Variants in SYT1 observed in about 807,000 individuals in gnomAD.
SYT1 encodes synaptotagmin-1.
A neutral mutation model predicts 44.8 loss-of-function variants in SYT1; 8 were observed. The observed-to-expected ratio is 0.18, with a 90% CI of 0.10 to 0.32. SYT1 has a LOEUF of 0.32. SYT1 is among the 10% of genes least tolerant of loss of function. The probability of loss-of-function intolerance (pLI) is 1.00; values close to 1 mark genes in which losing one functional copy is unlikely to be tolerated. For synonymous variants in SYT1, 154 were observed against 188.8 expected, an observed-to-expected ratio of 0.82 and a Z score of 1.51; for missense variants, 286 against 509.3, an observed-to-expected ratio of 0.56 and a Z score of 4.22.
Position 79,174,765 on chromosome 12 carries a change from T to C in SYT1, c.-17-42738T>C, listed in dbSNP as rs183189390. ...CAAGTCACTTTGGGATGTTAAAAAA[T>C]TATATTCCTTCAACACTTTATAATT... On this transcript the variant is annotated intron_variant, in intron 3 of 10. Transcript: ENST00000261205. 2.1e-3 allele frequency among the ~76,000 whole-genome samples: 317 copies of C among 152,082 alleles called. 1 individual carries two copies. The highest frequency in any genetic ancestry group is 3.2e-3 in the Non-Finnish European group (220 of 67,956).
chr12:79,138,398 A>G (rs550039147), intron 3 of SYT1, among the ~76,000 whole-genome samples: 5 of 152,334 alleles, frequency 3.3e-5, no homozygotes, highest in African/African-American at 1.2e-4. Context: ...TAGTAATGCA[A>G]TATTAAATGA....
At chr12:79,064,541 C>G (rs1875618886) in intron 3 of SYT1, among the ~76,000 whole-genome samples, 1 of 151,934 alleles carries the variant, frequency 6.6e-6, no homozygotes, top group Non-Finnish European at 1.5e-5. Context: ...GAAGATAAAA[C>G]TTTTGCTTAC....
intron 4 of SYT1, among the ~76,000 whole-genome samples, chr12:79,277,456 A>T (rs1668268848): frequency 6.6e-6 from 1 of 152,188 alleles, no homozygotes; most frequent in Non-Finnish European, 1.5e-5. Flanking sequence ...TCATTCCCAG[A>T]CAAACAAATG....
chr12:79,281,258 C>T (rs10778570), intron 4 of SYT1, among the ~76,000 whole-genome samples: 52,384 of 151,876 alleles, frequency 0.34, 9,416 homozygotes, highest in East Asian at 0.59. Context: ...CCTAAGTGCT[C>T]ATCAATGGAT....
intron 1 of SYT1, among the ~76,000 whole-genome samples, chr12:78,873,151 T>C (rs1041784386): frequency 1.3e-5 from 2 of 151,674 alleles, no homozygotes; most frequent in East Asian, 3.9e-4. Flanking sequence ...AAAGATGCAA[T>C]GAAGGAGACT....
intron 3 of SYT1, among the ~76,000 whole-genome samples, chr12:79,190,983 C>G (rs1158932696): frequency 6.6e-6 from 1 of 151,950 alleles, no homozygotes; most frequent in African/African-American, 2.4e-5. Flanking sequence ...CTACCTCTCA[C>G]TTACCAATGA....
At chr12:79,280,379 C>T (rs192811439) in intron 4 of SYT1, among the ~76,000 whole-genome samples, 127 of 152,020 alleles carry the variant, frequency 8.4e-4, no homozygotes, top group African/African-American at 2.8e-3. Flanking sequence ...TCAACAAAGC[C>T]GATGAGAACA....
chr12:79,112,874 G>A (rs1879088976), intron 3 of SYT1, among the ~76,000 whole-genome samples: 1 of 152,010 alleles, frequency 6.6e-6, no homozygotes, highest in Non-Finnish European at 1.5e-5. Flanking sequence ...AGAACACAAG[G>A]CATATGGCAA....
At chr12:79,094,003 C>T (rs1877952561) in intron 3 of SYT1, among the ~76,000 whole-genome samples, 1 of 151,570 alleles carries the variant, frequency 6.6e-6, no homozygotes, top group East Asian at 1.9e-4. Context: ...GACATATTTA[C>T]CAGCCAAACC....
At chr12:79,429,248 C>T (rs990204889) in intron 9 of SYT1, among the ~76,000 whole-genome samples, 1 of 152,072 alleles carries the variant, frequency 6.6e-6, no homozygotes, top group African/African-American at 2.4e-5. Context: ...GCTCTGTTGC[C>T]CAGGCTGGAG....
At chr12:79,200,081 G>T (rs985220836) in intron 3 of SYT1, among the ~76,000 whole-genome samples, 1 of 152,018 alleles carries the variant, frequency 6.6e-6, no homozygotes, top group African/African-American at 2.4e-5. Flanking sequence ...CCTACCAAAA[G>T]CTACTGAAAT....
chr12:79,448,897 T>C (rs371778073), intron 10 of SYT1, 21 bp from the exon 11 acceptor site: 1 of 1,612,656 alleles, frequency 6.2e-7, no homozygotes, highest in Admixed American at 1.7e-5. Flanking sequence ...TGATTCATAT[T>C]CATTTCATGG....
At chr12:79,395,797 A>AAAT (rs34984397) in intron 9 of SYT1, among the ~76,000 whole-genome samples, 22,462 of 151,888 alleles carry the variant, frequency 0.15, 1,996 homozygotes, top group Middle Eastern at 0.34. Context: ...AAGAATATAG[A>AAAT]AATATCAAAG....
intron 3 of SYT1, among the ~76,000 whole-genome samples, chr12:79,136,882 G>T (rs917790877): frequency 6.6e-6 from 1 of 151,974 alleles, no homozygotes; most frequent in Non-Finnish European, 1.5e-5. Context: ...TCCCAGTTTA[G>T]TTCTGCAAGT....
intron 3 of SYT1, among the ~76,000 whole-genome samples, chr12:79,136,784 A>G (rs368755635): frequency 6.6e-6 from 1 of 152,224 alleles, no homozygotes; most frequent in East Asian, 1.9e-4. Context: ...ATTTAGAAAA[A>G]AATCATTTCT....
chr12:79,354,329 A>C (rs17293059), intron 9 of SYT1, among the ~76,000 whole-genome samples: 13,156 of 152,288 alleles, frequency 0.086, 564 homozygotes, highest in Non-Finnish European at 0.1. Flanking sequence ...TTTCCGCTAA[A>C]TCATTAAAGT....
chr12:79,138,288 T>A (rs1869326697), intron 3 of SYT1, among the ~76,000 whole-genome samples: 1 of 152,028 alleles, frequency 6.6e-6, no homozygotes, highest in Non-Finnish European at 1.5e-5. Flanking sequence ...ACCAATGAAA[T>A]CATGTATGAT....
At chr12:79,338,255 TTTTTTTC>T (rs1170899059) in intron 8 of SYT1, among the ~76,000 whole-genome samples, 4 of 151,756 alleles carry the variant, frequency 2.6e-5, no homozygotes, top group Non-Finnish European at 4.4e-5. Context: ...TCAACTAATT[TTTTTTTC>T]TTTTTTCTTT....
chr12:79,055,182 C>G (rs74110121), intron 3 of SYT1, among the ~76,000 whole-genome samples: 3 of 151,960 alleles, frequency 2.0e-5, no homozygotes, highest in African/African-American at 7.2e-5. Context: ...ATATAAGTGT[C>G]TTGTTGATTG....
Sources: gnomAD v4.1 joint callset for allele counts (sites outside exome capture counted in the v4.1 genomes callset) on GRCh38, gnomAD v4.1.1 for gene constraint, MANE v1.5 for transcripts, NCBI Gene and HGNC (gene_info 2026-07-23, HGNC 2026-07-21) for gene names.